GPR158: variants seen among roughly 807,000 people sequenced by gnomAD.
GPR158 encodes the protein metabotropic glycine receptor.
GPR158 carries 30 observed loss-of-function variants against 78.2 expected under a neutral mutation model. The ratio of observed to expected loss-of-function variants is 0.38; its 90% CI spans 0.29 to 0.52. The LOEUF (loss-of-function observed/expected upper bound fraction) is 0.52. GPR158 is among the 20% of genes least tolerant of loss of function. The pLI, the probability that GPR158 is intolerant of heterozygous loss-of-function variation, is 0.83. For synonymous variants in GPR158, 581 were observed against 591.1 expected (o/e 0.98, Z 0.25); for missense variants, 1,463 against 1,523.5 (o/e 0.96, Z 0.66).
chr10:25,529,848 G>A (rs4459183), intron 5 of GPR158, among the ~76,000 whole-genome samples: 46,398 of 152,026 alleles, frequency 0.31, 8,032 homozygotes, highest in East Asian at 0.48. Context: ...TGGTTCCAGT[G>A]CCTAGACCTG....
At chr10:25,597,675 A>G in intron 10 of GPR158, 97 bp from the exon 11 acceptor site, 1 of 938,990 alleles carries the variant, frequency 1.1e-6, no homozygotes, top group East Asian at 2.7e-5. Flanking sequence ...GCCCCAAATT[A>G]GAGCCCAAGT....
At position 25,422,458 on chromosome 10, in the gene GPR158, C is replaced by T. The variant is rs75033242; in HGVS notation, c.1335+9985C>T. Among the ~76,000 whole-genome samples the T allele has an allele frequency of 1.8e-4, 28 of 152,182 alleles. No homozygotes were observed. The East Asian group carries it at 5.2e-3, about 28-fold the overall frequency. On this transcript the variant is annotated intron_variant, in intron 4 of 10. Coordinates refer to ENST00000376351, the MANE Select transcript of GPR158 (RefSeq NM_020752.3). ...GAAAAGTTTCCTCCTGAAACCATCA[C>T]CCCCACACACACCCTCCACACCTCT... is the stretch of plus-strand genomic sequence containing the variant.
intron 5 of GPR158, among the ~76,000 whole-genome samples, chr10:25,518,366 ATTTCC>A (rs1231645582): frequency 1.2e-5 from 1 of 85,248 alleles, no homozygotes; most frequent in East Asian, 3.7e-4. Flanking sequence ...TTGTGTCTCT[ATTTCC>A]TTCAGTTCTG....
At chr10:25,214,754 A>G (rs1028406462) in intron 1 of GPR158, among the ~76,000 whole-genome samples, 11 of 151,976 alleles carry the variant, frequency 7.2e-5, no homozygotes, top group African/African-American at 2.2e-4. Flanking sequence ...AGAAATGAGG[A>G]GACAGACATG....
chr10:25,360,465 A>C (rs568809306), intron 2 of GPR158, among the ~76,000 whole-genome samples: 15 of 152,300 alleles, frequency 9.8e-5, no homozygotes, highest in South Asian at 4.1e-4. Context: ...AGTTTTCTGC[A>C]TATGGCTAGC....
chr10:25,526,338 G>A (rs1044550783), intron 5 of GPR158, among the ~76,000 whole-genome samples: 17 of 152,162 alleles, frequency 1.1e-4, no homozygotes, highest in Non-Finnish European at 2.1e-4. Flanking sequence ...TGCAGAGGGC[G>A]CTCCCAGTTT....
chr10:25,549,318 A>G (rs1372951931), intron 5 of GPR158, among the ~76,000 whole-genome samples: 2 of 152,038 alleles, frequency 1.3e-5, no homozygotes, highest in Non-Finnish European at 2.9e-5. Context: ...TCCTTAGTAA[A>G]CAATAAAACT....
intron 5 of GPR158, among the ~76,000 whole-genome samples, chr10:25,469,400 T>C (rs1331605194): frequency 1.3e-5 from 2 of 152,190 alleles, no homozygotes; most frequent in African/African-American, 2.4e-5. Flanking sequence ...TGTCCACTGA[T>C]GGCAGCTCTA....
chr10:25,192,676 T>C (rs1032963065), intron 1 of GPR158, among the ~76,000 whole-genome samples: 3 of 152,168 alleles, frequency 2.0e-5, no homozygotes, highest in Non-Finnish European at 4.4e-5. Flanking sequence ...TTAAAAGTTA[T>C]AATGTATTGT....
Position 25,176,203 on chromosome 10 carries a change from C to T in GPR158, c.783C>T (p.Ser261=). 6.3e-7 allele frequency: 1 copy of T among 1,585,662 alleles called. No individual in the cohort carries two copies. The highest frequency in any genetic ancestry group is 8.6e-7 in the Non-Finnish European group (1 of 1,167,146). The change falls in exon 1 of 11, where the codon AGC becomes AGT. Residue 261 remains serine (S), a synonymous_variant. Coordinates refer to ENST00000376351, the MANE Select transcript of GPR158 (RefSeq NM_020752.3). The surrounding 1 kb of genome is among the most constrained non-coding windows in gnomAD (Gnocchi z 6.3). ...AGGACGGGCTCGGCGGGGACAAGAG[C>T]CACTTCAAGTGGTCTCCGCCTTATC... ...RRKDGLGGDK[S]HFKWSPPYLE...
At chr10:25,458,963 G>T (rs1835323936) in intron 4 of GPR158, among the ~76,000 whole-genome samples, 1 of 152,106 alleles carries the variant, frequency 6.6e-6, no homozygotes, top group African/African-American at 2.4e-5. Context: ...TACTAAATTT[G>T]ATTGATTTTT....
chr10:25,251,777 T>C (rs1447233954), intron 2 of GPR158, among the ~76,000 whole-genome samples: 1 of 148,868 alleles, frequency 6.7e-6, no homozygotes, highest in Admixed American at 6.7e-5. Context: ...TTGGTGAATC[T>C]GACAATTATG....
At chr10:25,248,979 CTT>C (rs1187524261) in intron 2 of GPR158, among the ~76,000 whole-genome samples, 1 of 149,972 alleles carries the variant, frequency 6.7e-6, no homozygotes, top group African/African-American at 2.5e-5. Context: ...TTTGTATCCT[CTT>C]TTATTTCCAT....
intron 2 of GPR158, among the ~76,000 whole-genome samples, chr10:25,382,248 C>T (rs1834165097): frequency 6.6e-6 from 1 of 152,162 alleles, no homozygotes; most frequent in South Asian, 2.1e-4. Flanking sequence ...AGATGTAATT[C>T]TGACATTTTC....
chr10:25,370,843 T>C, intron 2 of GPR158, among the ~76,000 whole-genome samples: 1 of 151,852 alleles, frequency 6.6e-6, no homozygotes, highest in Non-Finnish European at 1.5e-5. Flanking sequence ...TTTATGAATC[T>C]GGATGCTCCT....
chr10:25,485,133 G>T (rs908972121), intron 5 of GPR158, among the ~76,000 whole-genome samples: 3 of 151,762 alleles, frequency 2.0e-5, no homozygotes, highest in African/African-American at 7.3e-5. Flanking sequence ...AAAAATAGTT[G>T]TTAGAGTTCA....
In GPR158 at chr10:25,557,229, T is replaced by C. The variant is rs146176779; in HGVS notation, c.1514+6144T>C. Among the ~76,000 whole-genome samples, 1,317 of 152,272 alleles carry C rather than the reference T, an allele frequency of 8.6e-3. 8 individuals are homozygous for C. The highest frequency in any genetic ancestry group is 0.02 in the Middle Eastern group (6 of 294). On this transcript the variant is annotated intron_variant, in intron 6 of 10. Coordinates refer to ENST00000376351, the MANE Select transcript of GPR158 (RefSeq NM_020752.3). Reference sequence around the variant, plus strand: ...TCTTAGTTTTACAAACCCTACCTATTTGTCATTTTCATCATTCATATGCTT... The same window carrying C: ...TCTTAGTTTTACAAACCCTACCTATCTGTCATTTTCATCATTCATATGCTT...
At chr10:25,389,088 G>A (rs1353038363) in intron 2 of GPR158, among the ~76,000 whole-genome samples, 1 of 152,252 alleles carries the variant, frequency 6.6e-6, no homozygotes, top group Non-Finnish European at 1.5e-5. Flanking sequence ...CAGCCTGGGT[G>A]CCATGAATGG....
At chr10:25,458,432 C>T (rs1564461028) in intron 4 of GPR158, among the ~76,000 whole-genome samples, 1 of 152,152 alleles carries the variant, frequency 6.6e-6, no homozygotes, top group Admixed American at 6.6e-5. Context: ...CACTGAGGGT[C>T]AGATTGGATG....
Sources: allele counts gnomAD v4.1 joint callset (sites outside exome capture counted in the v4.1 genomes callset), GRCh38; gene constraint gnomAD v4.1.1; non-coding constraint Gnocchi (gnomAD v3.1); transcripts MANE v1.5; gene names NCBI Gene and HGNC (gene_info 2026-07-23, HGNC 2026-07-21).